Variants in LINGO2 observed in about 807,000 individuals in gnomAD.
The protein encoded by LINGO2 is leucine-rich repeat and immunoglobulin-like domain-containing nogo receptor-interacting protein 2.
A neutral mutation model predicts 30.6 loss-of-function variants in LINGO2; 14 were observed. The observed-to-expected ratio is 0.46, with a 90% CI of 0.30 to 0.72. The LOEUF (loss-of-function observed/expected upper bound fraction) is 0.72, where lower values mean the gene tolerates loss of function less well. Ranked by LOEUF, LINGO2 falls within the 30% of genes least tolerant of loss-of-function variation. LINGO2 has a pLI of 0.07. For synonymous variants in LINGO2, 317 were observed against 288.5 expected, an observed-to-expected ratio of 1.10 and a Z score of -1.00; for missense variants, 729 against 751.7, an observed-to-expected ratio of 0.97 and a Z score of 0.35.
intron 4 of LINGO2, among the ~76,000 whole-genome samples, chr9:28,059,868 G>C (rs553311636): frequency 6.6e-6 from 1 of 151,826 alleles, no homozygotes; most frequent in African/African-American, 2.4e-5. Flanking sequence ...ATTGCAGGAG[G>C]CCTAAGTACA....
the LINGO2 span, among the ~76,000 whole-genome samples, chr9:29,008,270 G>C: frequency 6.6e-6 from 1 of 152,068 alleles, no homozygotes; most frequent in African/African-American, 2.4e-5. Context: ...CCTTTTTTAT[G>C]GCTGCACAGT....
chr9:28,973,982 C>A, the LINGO2 span, among the ~76,000 whole-genome samples: 4 of 152,180 alleles, frequency 2.6e-5, no homozygotes, highest in African/African-American at 4.8e-5. Flanking sequence ...AGTAAGTACA[C>A]AAGACACACA....
At position 28,580,667 on chromosome 9, in the gene LINGO2, C is replaced by A. The variant is rs573614620; in HGVS notation, c.-365+89533G>T. Among the ~76,000 whole-genome samples the A allele has an allele frequency of 3.0e-4, 46 of 152,138 alleles. No homozygotes were observed. The South Asian group carries it at 5.2e-3, about 17-fold the overall frequency. On this transcript the variant is annotated intron_variant, in intron 1 of 5. Transcript: ENST00000379992. ...GCACTGCTAAATCCACTGAGACGCA[C>A]AGCATGGTTAAGGGCACCAGCACTT...
chr9:29,003,483 G>A, the LINGO2 span, among the ~76,000 whole-genome samples: 5 of 151,972 alleles, frequency 3.3e-5, no homozygotes, highest in East Asian at 9.7e-4. Context: ...GACTGAATGG[G>A]GGAGAGCAAG....
the LINGO2 span, among the ~76,000 whole-genome samples, chr9:29,007,073 C>T: frequency 1.3e-5 from 2 of 151,930 alleles, no homozygotes; most frequent in Admixed American, 1.3e-4. Context: ...TTGACAATAC[C>T]GTAAGTATAA....
At chr9:28,545,316 G>A (rs894335133) in intron 1 of LINGO2, among the ~76,000 whole-genome samples, 4 of 152,024 alleles carry the variant, frequency 2.6e-5, no homozygotes, top group African/African-American at 9.7e-5. Flanking sequence ...AATATGTGAA[G>A]GAGTAATGAT....
At chr9:29,176,908 G>A in the LINGO2 span, among the ~76,000 whole-genome samples, 1 of 152,120 alleles carries the variant, frequency 6.6e-6, no homozygotes, top group East Asian at 1.9e-4. Flanking sequence ...GACTGACAAG[G>A]AAGAATTCGA....
At chr9:29,060,104 T>TCC in the LINGO2 span, among the ~76,000 whole-genome samples, 103 of 152,178 alleles carry the variant, frequency 6.8e-4, 1 homozygote, top group South Asian at 0.013. Context: ...ATTTCGTTTT[T>TCC]CTTCTTCACT....
intron 4 of LINGO2, among the ~76,000 whole-genome samples, chr9:28,201,078 CTTTTTTT>C (rs199805525): frequency 7.3e-6 from 1 of 137,472 alleles, no homozygotes; most frequent in Non-Finnish European, 1.6e-5. Flanking sequence ...TATCTTTTTT[CTTTTTTT>C]TTTTATTATA....
intron 2 of LINGO2, among the ~76,000 whole-genome samples, chr9:28,420,687 T>C (rs1205262889): frequency 6.6e-6 from 1 of 152,096 alleles, no homozygotes; most frequent in Admixed American, 6.6e-5. Flanking sequence ...ATATGACCCA[T>C]ATTCAAAGAG....
intron 2 of LINGO2, among the ~76,000 whole-genome samples, chr9:28,393,768 G>T (rs1564171883): frequency 6.6e-6 from 1 of 152,134 alleles, no homozygotes; most frequent in Admixed American, 6.5e-5. Flanking sequence ...TCAGAGTTTG[G>T]TCTGCCCCAG....
the LINGO2 span, among the ~76,000 whole-genome samples, chr9:28,836,978 T>C: frequency 6.6e-6 from 1 of 152,292 alleles, no homozygotes; most frequent in South Asian, 2.1e-4. Flanking sequence ...ATTCTATACT[T>C]TAGTCTCAAA....
chr9:28,729,629 C>A, the LINGO2 span, among the ~76,000 whole-genome samples: 200 of 151,262 alleles, frequency 1.3e-3, no homozygotes, highest in African/African-American at 4.7e-3. Flanking sequence ...TTAAAAAAAA[C>A]AGAGTCTCAA....
intron 4 of LINGO2, among the ~76,000 whole-genome samples, chr9:28,133,897 C>T (rs1269930428): frequency 6.6e-6 from 1 of 152,136 alleles, no homozygotes; most frequent in African/African-American, 2.4e-5. Flanking sequence ...TATCTTCAGT[C>T]CAGATTTGGC....
intron 4 of LINGO2, among the ~76,000 whole-genome samples, chr9:28,091,807 A>C (rs1285331201): frequency 6.6e-6 from 1 of 152,218 alleles, no homozygotes; most frequent in Non-Finnish European, 1.5e-5. Flanking sequence ...CTCATGTGGC[A>C]AAGGGCTAAT....
chr9:28,280,452 A>C (rs59933636), intron 4 of LINGO2, among the ~76,000 whole-genome samples: 8,415 of 152,224 alleles, frequency 0.055, 301 homozygotes, highest in East Asian at 0.19. Flanking sequence ...CTTACAAATA[A>C]ACACTAGGAA....
At chr9:28,029,654 A>C (rs137892462) in intron 4 of LINGO2, among the ~76,000 whole-genome samples, 68 of 152,330 alleles carry the variant, frequency 4.5e-4, no homozygotes, top group African/African-American at 1.6e-3. Context: ...GATACGTTTA[A>C]GAATTTATTG....
At chr9:28,610,860 T>C (rs1825886795) in intron 1 of LINGO2, among the ~76,000 whole-genome samples, 1 of 152,128 alleles carries the variant, frequency 6.6e-6, no homozygotes, top group Admixed American at 6.5e-5. Flanking sequence ...TTAGTAACTT[T>C]TAACCTTTTT....
chr9:28,511,112 C>T (rs983066062), intron 1 of LINGO2, among the ~76,000 whole-genome samples: 4 of 152,202 alleles, frequency 2.6e-5, no homozygotes, highest in Admixed American at 1.3e-4. Context: ...CTCACAGATA[C>T]ACCCAGGATC....
Sources: gnomAD v4.1 joint callset for allele counts (sites outside exome capture counted in the v4.1 genomes callset) on GRCh38, gnomAD v4.1.1 for gene constraint, MANE v1.5 for transcripts, NCBI Gene and HGNC (gene_info 2026-07-23, HGNC 2026-07-21) for gene names.